GSTA5: variants seen among roughly 807,000 people sequenced by gnomAD.
GSTA5 encodes glutathione S-transferase alpha 5, also known as glutathione S-transferase A5.
A neutral mutation model predicts 21.8 loss-of-function variants in GSTA5; 25 were observed. The ratio of observed to expected loss-of-function variants is 1.14; its 90% CI spans 0.83 to 1.60. GSTA5 has a LOEUF of 1.60. GSTA5 is among the 40% of genes most tolerant of loss of function. The probability of loss-of-function intolerance (pLI) is 0.00; values close to 1 mark genes in which losing one functional copy is unlikely to be tolerated. For missense variants in GSTA5, 330 were observed against 259.2 expected (o/e 1.27, Z -1.88); for synonymous variants, 102 against 89.5 (o/e 1.14, Z -0.78).
intron 3 of GSTA5, among the ~76,000 whole-genome samples, chr6:52,835,314 A>G (rs1764275909): frequency 6.6e-6 from 1 of 152,116 alleles, no homozygotes; most frequent in Non-Finnish European, 1.5e-5. Context: ...ACATGTCTTT[A>G]TTGTTTAACC....
intron 5 of GSTA5, 41 bp from the exon 6 acceptor site, chr6:52,832,011 C>A (rs201038780): frequency 1.3e-6 from 2 of 1,580,728 alleles, no homozygotes; most frequent in African/African-American, 2.7e-5. Context: ...AAGCCAAGGC[C>A]GGCCACCATC....
At chr6:52,840,842 G>A (rs763723836) in exon 1 of GSTA5, 4 of 1,571,000 alleles carry the variant, frequency 2.5e-6, no homozygotes, top group Admixed American at 3.6e-5. Context: ...GTTTCTCTAA[G>A]CCTGAATGAA....
rs750579049 is a variant in GSTA5 at position 52,831,838 on chromosome 6, A to G, written c.*10T>C. 1 of 1,613,926 alleles carries G rather than the reference A, an allele frequency of 6.2e-7. No homozygotes were observed. The highest frequency in any genetic ancestry group is 1.1e-5 in the South Asian group (1 of 91,004). ...GGTCTGGCATGTTCTTGGCCTCCAT[A>G]GCTGCTTTATTAAAACCTGAAAATC... On this transcript the variant is annotated 3_prime_UTR_variant, in exon 6 of 6. Transcript: ENST00000370989.
At chr6:52,840,129 T>C (rs1223568903) in intron 1 of GSTA5, among the ~76,000 whole-genome samples, 1 of 152,228 alleles carries the variant, frequency 6.6e-6, no homozygotes, top group Non-Finnish European at 1.5e-5. Flanking sequence ...ATATTACGTA[T>C]TTTCATTTTT....
exon 5 of GSTA5, chr6:52,832,887 C>T (rs142541451): frequency 1.2e-6 from 2 of 1,614,054 alleles, no homozygotes; most frequent in Non-Finnish European, 1.7e-6. Context: ...GGAGATAAGA[C>T]TCGAGTCAAG....
At chr6:52,841,314 A>G (rs1457862964), upstream of GSTA5, among the ~76,000 whole-genome samples, 1 of 152,216 alleles carries the variant, frequency 6.6e-6, no homozygotes, top group Non-Finnish European at 1.5e-5. Flanking sequence ...GGACATGAAT[A>G]TCTACACCAA....
chr6:52,836,161 G>C lies in GSTA5; in HGVS notation c.272+75C>G, dbSNP rs113897696. 1.2e-3 allele frequency: 1,870 copies of C among 1,530,654 alleles called. 17 individuals carry two copies. In the African/African-American group the frequency reaches 0.023, roughly 19 times the overall value. The allele number at this position is 1,530,654 out of a possible 1,614,324, so 94.8% of individuals were successfully genotyped here. On this transcript the variant is annotated intron_variant, in intron 3 of 5. Coordinates refer to ENST00000370989, the Ensembl canonical transcript of GSTA5. Reference sequence around the variant, plus strand: ...GCTGCTGGTCATGATGCCCTGCCATGGTCCCACCCACTCAAAGAAGGACTT... The same window carrying C: ...GCTGCTGGTCATGATGCCCTGCCATCGTCCCACCCACTCAAAGAAGGACTT...
chr6:52,840,725 A>C lies in GSTA5; in HGVS notation c.87+2T>G. 6.2e-7 allele frequency: 1 copy of C among 1,613,466 alleles called. No homozygotes were observed. The highest frequency in any genetic ancestry group is 1.1e-5 in the South Asian group (1 of 91,026). On this transcript the variant is annotated splice_donor_variant, in intron 1 of 5. Coordinates refer to ENST00000370989, the Ensembl canonical transcript of GSTA5. LOFTEE classifies it high-confidence loss of function. ...CTTAAGATGACCTTACTCAGAACCT[A>C]CCTCTACTCCAGCTGCAGCCAGGAG... is the stretch of plus-strand genomic sequence containing the variant.
chr6:52,841,037 G>A (rs2127325364), upstream of GSTA5, among the ~76,000 whole-genome samples: 1 of 152,288 alleles, frequency 6.6e-6, no homozygotes, highest in African/African-American at 2.4e-5. Context: ...AGTCTTCATT[G>A]TTTACCTGTG....
intron 3 of GSTA5, among the ~76,000 whole-genome samples, chr6:52,834,875 G>A (rs543710762): frequency 6.6e-6 from 1 of 152,252 alleles, no homozygotes; most frequent in African/African-American, 2.4e-5. Flanking sequence ...CTAGCCATGT[G>A]TGCCTTTCCT....
At chr6:52,837,476 C>A (rs1337627426) in intron 2 of GSTA5, 82 bp downstream of exon 2, 21 of 863,614 alleles carry the variant, frequency 2.4e-5, no homozygotes, top group Admixed American at 5.6e-5. Flanking sequence ...CCCCCACACA[C>A]ATAGGTATTC....
At chr6:52,843,196 G>C (rs1437750679), upstream of GSTA5, among the ~76,000 whole-genome samples, 2 of 152,184 alleles carry the variant, frequency 1.3e-5, no homozygotes, top group Non-Finnish European at 2.9e-5. Context: ...ATTGTGAACA[G>C]GGCCGCAGTA....
intron 3 of GSTA5, among the ~76,000 whole-genome samples, chr6:52,835,508 AT>A (rs1238993818): frequency 2.0e-5 from 3 of 152,050 alleles, no homozygotes; most frequent in Non-Finnish European, 2.9e-5. Context: ...GTGTGGATGT[AT>A]TTTTGATTGT....
At chr6:52,845,665 A>G (rs1348207217), upstream of GSTA5, among the ~76,000 whole-genome samples, 1 of 151,970 alleles carries the variant, frequency 6.6e-6, no homozygotes, top group African/African-American at 2.4e-5. Flanking sequence ...CAGCCAATAT[A>G]GTATTACAGG....
chr6:52,837,488 T>C, intron 2 of GSTA5, 70 bp downstream of exon 2: 5 of 997,140 alleles, frequency 5.0e-6, no homozygotes, highest in Non-Finnish European at 7.9e-6. Flanking sequence ...TAGGTATTCC[T>C]GGCTGCTCAA....
chr6:52,836,438 G>T (rs1764295602), intron 2 of GSTA5, 70 bp from the exon 3 acceptor site: 2 of 1,473,138 alleles, frequency 1.4e-6, no homozygotes, highest in East Asian at 2.3e-5. Context: ...GAAAAAAATG[G>T]TTATGGAAAT....
At position 52,836,219 on chromosome 6, in the gene GSTA5, C is replaced by G. The variant is rs757175033; in HGVS notation, c.272+17G>C. On this transcript the variant is annotated intron_variant, in intron 3 of 5. Transcript: ENST00000370989. ...TCTGTGTTCTCTGTGGATGGAAGAACAGAAAATATACCATACAGGGCTCTC... is the reference window on the plus strand; with the variant it reads ...TCTGTGTTCTCTGTGGATGGAAGAAGAGAAAATATACCATACAGGGCTCTC... The G allele has an allele frequency of 3.7e-6, 6 of 1,611,242 alleles. No homozygotes were observed. In the Admixed American group the frequency reaches 6.7e-5, roughly 18 times the overall value.
chr6:52,836,358 C>A (rs1258866824), exon 3 of GSTA5: 2 of 1,613,194 alleles, frequency 1.2e-6, no homozygotes, highest in African/African-American at 2.7e-5. Context: ...GCTGGAACAG[C>A]AAACTCCCAT....
At chr6:52,841,894 A>C (rs1267836671), upstream of GSTA5, among the ~76,000 whole-genome samples, 2 of 152,258 alleles carry the variant, frequency 1.3e-5, no homozygotes, top group Non-Finnish European at 2.9e-5. Context: ...TCAAATATGC[A>C]TGGTAATCTT....
Sources: allele counts gnomAD v4.1 joint callset (sites outside exome capture counted in the v4.1 genomes callset), GRCh38; gene constraint gnomAD v4.1.1; transcripts MANE v1.5; gene names NCBI Gene and HGNC (gene_info 2026-07-23, HGNC 2026-07-21).